SYNE2: variants seen among roughly 807,000 people sequenced by gnomAD.
The protein encoded by SYNE2 is nesprin-2.
In SYNE2, 431 loss-of-function variants were observed where a neutral mutation model predicts 856.3. The observed-to-expected ratio is 0.50, with a 90% CI of 0.47 to 0.55. The LOEUF (loss-of-function observed/expected upper bound fraction) is 0.55, where lower values mean the gene tolerates loss of function less well. Among genes scored for constraint, SYNE2 ranks in the 20% least tolerant of loss-of-function variants. SYNE2 has a pLI of 0.00. For missense variants in SYNE2, 8,129 were observed against 8,023.2 expected, an observed-to-expected ratio of 1.01 and a Z score of -0.50; for synonymous variants, 2,923 against 2,872.3, an observed-to-expected ratio of 1.02 and a Z score of -0.56.
At chr14:63,930,398 T>A (rs1006545037) in intron 2 of SYNE2, among the ~76,000 whole-genome samples, 13 of 152,156 alleles carry the variant, frequency 8.5e-5, no homozygotes, top group African/African-American at 2.6e-4. Flanking sequence ...TGTTAATTTT[T>A]AAAAAAAATT....
At chr14:63,771,137 T>G (rs1029770155) in intron 1 of SYNE2, among the ~76,000 whole-genome samples, 8 of 144,500 alleles carry the variant, frequency 5.5e-5, no homozygotes, top group Admixed American at 2.1e-4. Context: ...TGGCGCAATC[T>G]CGGCTCACTG....
chr14:64,042,077 A>G (rs2097153087), intron 45 of SYNE2, among the ~76,000 whole-genome samples: 1 of 152,180 alleles, frequency 6.6e-6, no homozygotes, highest in African/African-American at 2.4e-5. Context: ...CTATTATATG[A>G]AAAGTTGGAA....
intron 57 of SYNE2, among the ~76,000 whole-genome samples, chr14:64,082,345 G>T (rs1272963531): frequency 6.6e-6 from 1 of 152,006 alleles, no homozygotes; most frequent in African/African-American, 2.4e-5. Context: ...TTGGGATTTG[G>T]AATGCTCCAC....
At chr14:63,824,654 C>T (rs1245632826) in intron 1 of SYNE2, among the ~76,000 whole-genome samples, 9 of 130,786 alleles carry the variant, frequency 6.9e-5, no homozygotes, top group Non-Finnish European at 1.0e-4. Context: ...AAAAAAAAAG[C>T]GTAATTAAAA....
intron 74 of SYNE2, 53 bp from the exon 75 acceptor site, chr14:64,129,729 T>A: frequency 1.2e-6 from 2 of 1,611,694 alleles, no homozygotes; most frequent in Non-Finnish European, 1.7e-6. Flanking sequence ...TAACTATGTG[T>A]ACTTCTCTGA....
chr14:64,016,460 A>G lies in SYNE2; in HGVS notation c.4729-13A>G, dbSNP rs2096892903. On this transcript the variant is annotated splice_polypyrimidine_tract_variant and intron_variant, in intron 32 of 115. Coordinates refer to ENST00000555002, the MANE Select transcript of SYNE2 (RefSeq NM_182914.3). ...TCAAAATATCAGAAATAACTTTCAT[A>G]TCTTTTTTACAGATTGAAATTGTCA... 6.5e-7 allele frequency: 1 copy of G among 1,531,588 alleles called. No individual in the cohort carries two copies. The allele number at this position is 1,531,588 out of a possible 1,614,324, so 94.9% of individuals were successfully genotyped here.
In SYNE2 at chr14:63,976,453, C is replaced by T; in HGVS notation, c.1129-110C>T. On this transcript the variant is annotated intron_variant, in intron 11 of 115. Coordinates refer to ENST00000555002, the MANE Select transcript of SYNE2 (RefSeq NM_182914.3). ...TTCCATGATAATTGATCACATTTAT[C>T]AGACTTGGCTTCCAGAGAAACTTCA... 3 of 1,146,322 alleles carry T rather than the reference C, an allele frequency of 2.6e-6. No individual in the cohort carries two copies. In the Admixed American group the frequency reaches 6.5e-5, roughly 25 times the overall value. 71.0% of individuals were successfully genotyped at this position (1,146,322 alleles called of 1,614,324 possible).
intron 111 of SYNE2, 156 bp from the exon 112 acceptor site, chr14:64,221,420 G>C: frequency 7.5e-7 from 1 of 1,341,094 alleles, no homozygotes. Context: ...TCATTTTGGG[G>C]CCCTGGCATT....
intron 1 of SYNE2, among the ~76,000 whole-genome samples, chr14:63,781,546 G>A (rs937288722): frequency 1.3e-5 from 2 of 151,222 alleles, no homozygotes; most frequent in African/African-American, 4.9e-5. Context: ...GTGCAGTGGC[G>A]CAATCTTGGA....
At chr14:64,018,394 C>T (rs921497961) in intron 34 of SYNE2, among the ~76,000 whole-genome samples, 1 of 152,118 alleles carries the variant, frequency 6.6e-6, no homozygotes, top group South Asian at 2.1e-4. Context: ...GCGCACACCA[C>T]CACACCTGGC....
At chr14:64,105,107 T>TA (rs1404337723) in intron 64 of SYNE2, among the ~76,000 whole-genome samples, 1 of 152,190 alleles carries the variant, frequency 6.6e-6, no homozygotes. Context: ...CTCCTCCCAT[T>TA]ATTTTTGCCA....
In SYNE2 at chr14:64,191,223, T is replaced by C. The variant is rs539349679; in HGVS notation, c.18038+986T>C. On this transcript the variant is annotated intron_variant, in intron 99 of 115. Transcript: ENST00000555002. ...AATTTAAATTATTAAGTTTGGCATC[T>C]TCTTTACCTCATTGTTTACTGGAAA... 4 of 258,450 alleles carry C rather than the reference T, an allele frequency of 1.5e-5. No homozygotes were observed. In the South Asian group the frequency reaches 6.2e-4, roughly 40 times the overall value. 16.0% of individuals were successfully genotyped at this position (258,450 alleles called of 1,614,324 possible). A position where few individuals can be genotyped will look rare whatever the true frequency, so the allele number is the denominator to read the frequency against.
At chr14:64,183,426 C>G (rs1320167839) in intron 96 of SYNE2, among the ~76,000 whole-genome samples, 1 of 151,744 alleles carries the variant, frequency 6.6e-6, no homozygotes, top group Non-Finnish European at 1.5e-5. Context: ...CTCCTCACTT[C>G]CCAGACTGGG....
chr14:64,128,400 A>C, intron 73 of SYNE2, 52 bp from the exon 74 acceptor site: 1 of 954,622 alleles, frequency 1.0e-6, no homozygotes, highest in East Asian at 2.4e-5. Flanking sequence ...ATATAAAAAA[A>C]GATAATGAAG....
intron 2 of SYNE2, among the ~76,000 whole-genome samples, chr14:63,912,954 G>A (rs903317533): frequency 6.6e-6 from 1 of 151,864 alleles, no homozygotes; most frequent in African/African-American, 2.4e-5. Context: ...TTTTTTTTGA[G>A]AGAGGGTCTT....
In SYNE2 at chr14:64,119,465, G is replaced by C; in HGVS notation, c.12879G>C (p.Leu4293=). The C allele has an allele frequency of 6.2e-7, 1 of 1,614,208 alleles. No individual in the cohort carries two copies. Among genetic ancestry groups the C allele is most frequent in the Non-Finnish European group, 8.5e-7 (1 of 1,180,034 alleles). Residue 4293 remains leucine, a synonymous_variant, in exon 67 of 116, where the codon CTG becomes CTC. Coordinates refer to ENST00000555002, the MANE Select transcript of SYNE2 (RefSeq NM_182914.3). The stretch of plus-strand genomic sequence containing the variant: ...AGATTGAGCACAAGGTTGCCTTTCT[G>C]TTAGAGACTTGCAAAGATCAGGGCC... The part of the protein sequence containing the change: ...LTEIEHKVAF[L]LETCKDQGLG...
intron 10 of SYNE2, among the ~76,000 whole-genome samples, chr14:63,967,180 C>T (rs2096405200): frequency 6.6e-6 from 1 of 152,026 alleles, no homozygotes; most frequent in South Asian, 2.1e-4. Context: ...CTCTTAAATA[C>T]CCATATTTCA....
chr14:64,210,615 C>T (rs981300207), intron 103 of SYNE2, among the ~76,000 whole-genome samples: 8 of 152,226 alleles, frequency 5.3e-5, no homozygotes, highest in African/African-American at 1.9e-4. Context: ...TTTCAGAGCA[C>T]ACAAAGGTTT....
chr14:63,877,382 G>A (rs978829183), intron 1 of SYNE2, among the ~76,000 whole-genome samples: 1 of 152,160 alleles, frequency 6.6e-6, no homozygotes, highest in Non-Finnish European at 1.5e-5. Flanking sequence ...GGAGGAATAG[G>A]TCAAAAGTTT....
Sources: allele counts gnomAD v4.1 joint callset (sites outside exome capture counted in the v4.1 genomes callset), GRCh38; gene constraint gnomAD v4.1.1; transcripts MANE v1.5; gene names NCBI Gene and HGNC (gene_info 2026-07-23, HGNC 2026-07-21).